Variants in TMEM272 observed in about 807,000 individuals in gnomAD.
TMEM272 encodes the protein long intergenic non-protein coding RNA 282.
A neutral mutation model predicts 3.7 loss-of-function variants in TMEM272; 8 were observed. That is an observed-to-expected ratio of 2.17 (90% confidence interval 1.27 to 3.91). TMEM272 has a LOEUF of 3.91. TMEM272 is among the 30% of genes most tolerant of loss of function. TMEM272 has a pLI of 0.00. For missense variants in TMEM272, 166 were observed against 91.5 expected, an observed-to-expected ratio of 1.81 and a Z score of -3.32; for synonymous variants, 63 against 39.8, an observed-to-expected ratio of 1.58 and a Z score of -2.20.
the TMEM272 span, among the ~76,000 whole-genome samples, chr13:51,901,519 A>G: frequency 6.7e-6 from 1 of 149,770 alleles, no homozygotes; most frequent in African/African-American, 2.5e-5. Flanking sequence ...AAGGAAAGTC[A>G]AAAATGAAGA....
chr13:51,890,579 A>G, the TMEM272 span, among the ~76,000 whole-genome samples: 1 of 152,200 alleles, frequency 6.6e-6, no homozygotes, highest in East Asian at 1.9e-4. Flanking sequence ...CTTATAAACT[A>G]CTCAGCCTCA....
chr13:51,933,164 A>G, the TMEM272 span: 2 of 152,234 alleles, frequency 1.3e-5, no homozygotes, highest in Admixed American at 1.3e-4. Flanking sequence ...TCCAGGAGGC[A>G]AGGACCTTTT....
intron 1 of TMEM272, among the ~76,000 whole-genome samples, chr13:51,840,577 T>A (rs1434372636): frequency 2.6e-5 from 4 of 152,150 alleles, no homozygotes; most frequent in Non-Finnish European, 5.9e-5. Flanking sequence ...TCCCTGGGAA[T>A]CCCAAAGGCA....
At chr13:51,861,162 G>A in the TMEM272 span, among the ~76,000 whole-genome samples, 1 of 152,056 alleles carries the variant, frequency 6.6e-6, no homozygotes, top group Admixed American at 6.6e-5. Flanking sequence ...TAAGAAAAAA[G>A]TCAAATACAC....
intron 2 of TMEM272, among the ~76,000 whole-genome samples, chr13:51,833,407 T>C (rs1956189062): frequency 6.6e-6 from 1 of 151,840 alleles, no homozygotes. Flanking sequence ...GCTGAACCTT[T>C]GGAGAAAATG....
chr13:51,896,628 C>A, the TMEM272 span, among the ~76,000 whole-genome samples: 9 of 152,150 alleles, frequency 5.9e-5, no homozygotes, highest in African/African-American at 1.9e-4. Flanking sequence ...CCTGTTGCGA[C>A]CACCAGAGGA....
chr13:51,815,393 A>T lies in TMEM272; in HGVS notation c.*1358T>A, dbSNP rs917899391. The T allele has an allele frequency of 2.0e-5, 3 of 152,606 alleles. No individual in the cohort carries two copies. The highest frequency in any genetic ancestry group is 2.0e-4 in the Admixed American group (3 of 15,280). 9.5% of individuals were successfully genotyped at this position (152,606 alleles called of 1,614,324 possible). A position where few individuals can be genotyped will look rare whatever the true frequency, so the allele number is the denominator to read the frequency against. ...TTCTAAACTGAAATGGGAAGACCCCATGGGACTCACGGGGCCTTTCTCTTA... is the reference window on the plus strand; with the variant it reads ...TTCTAAACTGAAATGGGAAGACCCCTTGGGACTCACGGGGCCTTTCTCTTA... On this transcript the variant is annotated 3_prime_UTR_variant, in exon 5 of 5. Transcript: ENST00000629372.
chr13:51,932,195 C>T, the TMEM272 span, among the ~76,000 whole-genome samples: 4 of 152,108 alleles, frequency 2.6e-5, no homozygotes, highest in Admixed American at 6.5e-5. Flanking sequence ...TTACACCCCC[C>T]GGCCACCCCA....
the TMEM272 span, among the ~76,000 whole-genome samples, chr13:51,868,995 C>T: frequency 1.3e-5 from 2 of 152,184 alleles, no homozygotes; most frequent in Non-Finnish European, 2.9e-5. Flanking sequence ...TTTTGAAATG[C>T]AGTGGGTTCT....
chr13:51,831,689 G>A (rs1956174911), intron 2 of TMEM272, among the ~76,000 whole-genome samples: 1 of 152,264 alleles, frequency 6.6e-6, no homozygotes, highest in Non-Finnish European at 1.5e-5. Context: ...GCCTCCTGGG[G>A]CATCTGGTTA....
chr13:51,873,881 T>C, the TMEM272 span, among the ~76,000 whole-genome samples: 52,367 of 152,106 alleles, frequency 0.34, 9,141 homozygotes, highest in East Asian at 0.45. Flanking sequence ...CTCAAAGGCT[T>C]TGTGGCTGCC....
chr13:51,876,565 C>G, the TMEM272 span, among the ~76,000 whole-genome samples: 745 of 152,294 alleles, frequency 4.9e-3, 2 homozygotes, highest in Non-Finnish European at 8.2e-3. Flanking sequence ...TAAATTTGTA[C>G]ACTCTGATTT....
chr13:51,841,413 C>T (rs1956262762), intron 1 of TMEM272, among the ~76,000 whole-genome samples: 1 of 152,200 alleles, frequency 6.6e-6, no homozygotes, highest in Non-Finnish European at 1.5e-5. Flanking sequence ...TCTATCAGCG[C>T]CTACAAACTA....
chr13:51,919,621 T>C, the TMEM272 span, among the ~76,000 whole-genome samples: 2 of 152,224 alleles, frequency 1.3e-5, no homozygotes, highest in Admixed American at 1.3e-4. Context: ...ACAGATCCTG[T>C]TGGTTCATTC....
chr13:51,830,767 T>C (rs1197294158), intron 2 of TMEM272, among the ~76,000 whole-genome samples: 1 of 152,160 alleles, frequency 6.6e-6, no homozygotes, highest in East Asian at 1.9e-4. Flanking sequence ...ATGAGACTGT[T>C]CTACACCTTA....
the TMEM272 span, among the ~76,000 whole-genome samples, chr13:51,894,646 C>T: frequency 6.6e-6 from 1 of 152,082 alleles, no homozygotes; most frequent in African/African-American, 2.4e-5. Context: ...AAAGGGCAAA[C>T]CCAAATGTGC....
At chr13:51,924,555 G>A in the TMEM272 span, among the ~76,000 whole-genome samples, 1 of 152,056 alleles carries the variant, frequency 6.6e-6, no homozygotes, top group African/African-American at 2.4e-5. Flanking sequence ...CTGCATTCTT[G>A]GGGCCACAGT....
At chr13:51,865,277 G>A in the TMEM272 span, 1 of 914,656 alleles carries the variant, frequency 1.1e-6, no homozygotes, top group Non-Finnish European at 1.7e-6. Context: ...CAGAACCAAG[G>A]GCCGTCCCCT....
the TMEM272 span, among the ~76,000 whole-genome samples, chr13:51,852,099 G>T: frequency 6.6e-6 from 1 of 152,214 alleles, no homozygotes; most frequent in African/African-American, 2.4e-5. Context: ...ATAACAGTTT[G>T]TATTCCTACC....
Sources: allele counts gnomAD v4.1 joint callset (sites outside exome capture counted in the v4.1 genomes callset), GRCh38; gene constraint gnomAD v4.1.1; transcripts MANE v1.5; gene names NCBI Gene and HGNC (gene_info 2026-07-23, HGNC 2026-07-21).